Variants in LRRC40 observed in about 807,000 individuals in gnomAD.
LRRC40 encodes the protein leucine rich repeat containing 40.
LRRC40 carries 76 observed loss-of-function variants against 72.8 expected under a neutral mutation model. That is an observed-to-expected ratio of 1.04 (90% CI 0.87 to 1.26). LRRC40 has a LOEUF of 1.26. Ranked by LOEUF, LRRC40 falls within the 50% of genes most tolerant of loss-of-function variation. LRRC40 has a pLI of 0.00. For missense variants in LRRC40, 684 were observed against 698.9 expected (o/e 0.98, Z 0.24); for synonymous variants, 243 against 254.2 (o/e 0.96, Z 0.42).
intron 4 of LRRC40, 142 bp downstream of exon 4, chr1:70,184,643 T>C (rs994818082): frequency 4.5e-5 from 35 of 780,892 alleles, no homozygotes; most frequent in African/African-American, 7.2e-5. Context: ...AGCTATCTTA[T>C]TGAAATGCAC....
At chr1:70,205,217 T>C (rs185547875) in intron 1 of LRRC40, among the ~76,000 whole-genome samples, 173 bp downstream of exon 1, 11 of 152,288 alleles carry the variant, frequency 7.2e-5, no homozygotes, top group Admixed American at 7.2e-4. Context: ...GGGAAGGAAC[T>C]GAACTGGGCT....
chr1:70,177,232 C>T (rs918084814), intron 6 of LRRC40, among the ~76,000 whole-genome samples: 2 of 152,120 alleles, frequency 1.3e-5, no homozygotes, highest in African/African-American at 2.4e-5. Flanking sequence ...GCTGAGATTG[C>T]ACCACTGCAC....
chr1:70,183,454 C>T (rs1484629658), intron 4 of LRRC40, among the ~76,000 whole-genome samples: 1 of 151,812 alleles, frequency 6.6e-6, no homozygotes, highest in African/African-American at 2.4e-5. Context: ...TTGACTTACA[C>T]TCAAATTCTA....
At chr1:70,193,828 A>G (rs1306589837) in intron 1 of LRRC40, among the ~76,000 whole-genome samples, 1 of 152,094 alleles carries the variant, frequency 6.6e-6, no homozygotes, top group East Asian at 1.9e-4. Flanking sequence ...AAGCTACCAT[A>G]TTAACAGAAA....
Position 70,145,660 on chromosome 1 carries a change from C to T in LRRC40, c.*140G>A. On this transcript the variant is annotated 3_prime_UTR_variant, in exon 15 of 15. Coordinates refer to ENST00000370952, the MANE Select transcript of LRRC40 (RefSeq NM_017768.5). ...TGAATATGGCCCAGGCTAATTATAC[C>T]AACAGGTAGGTGATACTGGGAAACT... is the stretch of plus-strand genomic sequence containing the variant. 3 of 481,558 alleles carry T rather than the reference C, an allele frequency of 6.2e-6. No homozygotes were observed. Among genetic ancestry groups the T allele is most frequent in the African/African-American group, 2.0e-5 (1 of 50,394 alleles). 29.8% of individuals were successfully genotyped at this position (481,558 alleles called of 1,614,324 possible).
intron 1 of LRRC40, among the ~76,000 whole-genome samples, chr1:70,195,383 A>G (rs1299847421): frequency 6.6e-6 from 1 of 151,818 alleles, no homozygotes; most frequent in Non-Finnish European, 1.5e-5. Flanking sequence ...AAAAAAAAAA[A>G]GACAAAAGTT....
chr1:70,151,765 G>T (rs572314754), intron 12 of LRRC40: 1 of 151,042 alleles, frequency 6.6e-6, no homozygotes, highest in East Asian at 1.9e-4. Context: ...AATGAAACAT[G>T]GCAATAAACA....
At chr1:70,159,487 T>C (rs373905732) in intron 9 of LRRC40, 49 bp from the exon 10 acceptor site, 45 of 798,942 alleles carry the variant, frequency 5.6e-5, no homozygotes, top group Non-Finnish European at 8.8e-5. Flanking sequence ...TACAAAGTCA[T>C]TGTTAAAATT....
intron 6 of LRRC40, among the ~76,000 whole-genome samples, chr1:70,178,469 T>C (rs1668159887): frequency 6.6e-6 from 1 of 152,162 alleles, no homozygotes; most frequent in Non-Finnish European, 1.5e-5. Flanking sequence ...ATGTAATTCA[T>C]TTCAAACATA....
intron 9 of LRRC40, among the ~76,000 whole-genome samples, chr1:70,168,729 A>G (rs962133619): frequency 2.6e-5 from 4 of 152,230 alleles, no homozygotes; most frequent in Non-Finnish European, 2.9e-5. Flanking sequence ...CTGAGTGTCT[A>G]TAACAGTATC....
chr1:70,171,309 TA>T (rs534894256), intron 9 of LRRC40, among the ~76,000 whole-genome samples: 1 of 147,842 alleles, frequency 6.8e-6, no homozygotes, highest in Non-Finnish European at 1.5e-5. Context: ...TTCTTAGATT[TA>T]AAAAAAAATG....
At chr1:70,183,481 G>A (rs191466937) in intron 4 of LRRC40, among the ~76,000 whole-genome samples, 49 of 150,268 alleles carry the variant, frequency 3.3e-4, no homozygotes, top group South Asian at 1.0e-3. Flanking sequence ...TTACTTGTTA[G>A]TTGTGTTACT....
chr1:70,174,404 T>C (rs1183744821), intron 7 of LRRC40, among the ~76,000 whole-genome samples: 1 of 152,070 alleles, frequency 6.6e-6, no homozygotes, highest in Admixed American at 6.6e-5. Context: ...CTTTTAAACA[T>C]ATGGTCACTA....
intron 6 of LRRC40, among the ~76,000 whole-genome samples, chr1:70,177,104 C>G (rs1383225055): frequency 9.9e-5 from 15 of 152,054 alleles, no homozygotes; most frequent in Admixed American, 9.8e-4. Flanking sequence ...GGCGAAACCC[C>G]ATCTCTATTA....
At chr1:70,152,227 T>A (rs1667516679) in intron 12 of LRRC40, among the ~76,000 whole-genome samples, 1 of 152,182 alleles carries the variant, frequency 6.6e-6, no homozygotes, top group African/African-American at 2.4e-5. Flanking sequence ...GCTTACAAAT[T>A]ATAAATGTCT....
intron 11 of LRRC40, among the ~76,000 whole-genome samples, chr1:70,152,868 C>T (rs1451764945): frequency 1.3e-5 from 2 of 152,038 alleles, no homozygotes; most frequent in African/African-American, 4.8e-5. Context: ...AATTTTTATA[C>T]TTTATTCTAT....
chr1:70,156,166 C>G (rs556303223), intron 10 of LRRC40, among the ~76,000 whole-genome samples: 26 of 152,150 alleles, frequency 1.7e-4, no homozygotes, highest in South Asian at 4.2e-4. Flanking sequence ...GTTGCCCCAT[C>G]TTAAAAATCT....
At chr1:70,190,556 G>T (rs1372321974) in intron 1 of LRRC40, among the ~76,000 whole-genome samples, 1 of 150,536 alleles carries the variant, frequency 6.6e-6, no homozygotes, top group African/African-American at 2.4e-5. Context: ...CACACCTGTA[G>T]TCCTACTACT....
chr1:70,203,206 A>C (rs867227716), intron 1 of LRRC40, among the ~76,000 whole-genome samples: 8 of 152,112 alleles, frequency 5.3e-5, no homozygotes, highest in African/African-American at 1.9e-4. Context: ...AGTATAGGAT[A>C]CTGAAAAGAG....
Sources: allele counts gnomAD v4.1 joint callset (sites outside exome capture counted in the v4.1 genomes callset), GRCh38; gene constraint gnomAD v4.1.1; transcripts MANE v1.5; gene names NCBI Gene and HGNC (gene_info 2026-07-23, HGNC 2026-07-21).